SPTSSA: variants seen among roughly 807,000 people sequenced by gnomAD.
SPTSSA encodes the protein serine palmitoyltransferase small subunit A, also known as small subunit of serine palmitoyltransferase A.
In SPTSSA, 8 loss-of-function variants were observed where a neutral mutation model predicts 9.1. That is an observed-to-expected ratio of 0.88 (90% CI 0.51 to 1.58). The LOEUF (loss-of-function observed/expected upper bound fraction) is 1.58, where lower values mean the gene tolerates loss of function less well. Ranked by LOEUF, SPTSSA falls within the 40% of genes most tolerant of loss-of-function variation. The pLI, the probability that SPTSSA is intolerant of heterozygous loss-of-function variation, is 0.00. For missense variants in SPTSSA, 100 were observed against 93.8 expected (o/e 1.07, Z -0.27); for synonymous variants, 42 against 37.7 (o/e 1.11, Z -0.41).
At chr14:34,461,776 T>C (rs919623253) in intron 1 of SPTSSA, among the ~76,000 whole-genome samples, 2 of 152,320 alleles carry the variant, frequency 1.3e-5, no homozygotes, top group Middle Eastern at 3.4e-3. Context: ...CCAAAGGCAG[T>C]TGCGGCCGAA....
chr14:34,439,465 A>G (rs1704415294), intron 1 of SPTSSA, among the ~76,000 whole-genome samples: 1 of 152,090 alleles, frequency 6.6e-6, no homozygotes, highest in Non-Finnish European at 1.5e-5. Context: ...TAGTAAGACA[A>G]TGTCTCTACC....
intron 1 of SPTSSA, among the ~76,000 whole-genome samples, chr14:34,439,812 C>A (rs943778622): frequency 5.9e-5 from 9 of 152,164 alleles, no homozygotes; most frequent in African/African-American, 2.2e-4. Flanking sequence ...GGGGCCAGTT[C>A]CAAAACAAAT....
intron 1 of SPTSSA, among the ~76,000 whole-genome samples, chr14:34,447,125 G>T (rs184484798): frequency 6.6e-6 from 1 of 150,844 alleles, no homozygotes; most frequent in African/African-American, 2.4e-5. Context: ...TCTGGAGGCT[G>T]AGGCAGGAGA....
rs1378843432 is a variant in SPTSSA at position 34,458,230 on chromosome 14, T to C, written c.112+3866A>G. 3.9e-5 allele frequency among the ~76,000 whole-genome samples: 6 copies of C among 152,076 alleles called. No homozygotes were observed. In the South Asian group the frequency reaches 1.2e-3, roughly 31 times the overall value. ...ATTTTTTTTTCTTTTGAACAGGCTGTCACCTAGGCTGGAGTGCAGTGGCGC... is the reference window on the plus strand; with the variant it reads ...ATTTTTTTTTCTTTTGAACAGGCTGCCACCTAGGCTGGAGTGCAGTGGCGC... On this transcript the variant is annotated intron_variant, in intron 1 of 1. Coordinates refer to ENST00000298130, the MANE Select transcript of SPTSSA (RefSeq NM_138288.4).
intron 1 of SPTSSA, among the ~76,000 whole-genome samples, chr14:34,459,146 T>C (rs868178063): frequency 2.0e-5 from 3 of 152,220 alleles, no homozygotes; most frequent in South Asian, 2.1e-4. Context: ...AAGAAATTAA[T>C]CTGGGCCAGG....
intron 1 of SPTSSA, among the ~76,000 whole-genome samples, chr14:34,449,192 T>C (rs1048564382): frequency 7.0e-5 from 10 of 143,552 alleles, no homozygotes; most frequent in African/African-American, 2.6e-4. Flanking sequence ...GACTAAGAGT[T>C]CAAGACCAGC....
chr14:34,462,054 G>T, intron 1 of SPTSSA, 42 bp downstream of exon 1: 1 of 1,256,070 alleles, frequency 8.0e-7, no homozygotes, highest in Non-Finnish European at 1.0e-6. Flanking sequence ...CGCGGCCCGC[G>T]CCCCCAGCCC....
intron 1 of SPTSSA, among the ~76,000 whole-genome samples, chr14:34,446,342 G>T (rs111233376): frequency 0.011 from 1,658 of 152,228 alleles, 32 homozygotes; most frequent in African/African-American, 0.038. Context: ...AAGTTCACAG[G>T]TTAAGACTTT....
intron 1 of SPTSSA, among the ~76,000 whole-genome samples, chr14:34,450,662 A>G (rs1883503815): frequency 6.6e-6 from 1 of 152,228 alleles, no homozygotes; most frequent in Non-Finnish European, 1.5e-5. Flanking sequence ...TTTTGTGTTT[A>G]TAACTTGTCT....
chr14:34,459,458 C>CAA (rs778799046), intron 1 of SPTSSA, among the ~76,000 whole-genome samples: 19,245 of 107,834 alleles, frequency 0.18, 1,502 homozygotes, highest in Middle Eastern at 0.32. Context: ...GACACCGTCT[C>CAA]AAAAAAAAAA....
In SPTSSA at chr14:34,443,196, GGGGTGTGTGTGT is replaced by G. The variant is rs776606140; in HGVS notation, c.113-7904_113-7893del. Among the ~76,000 whole-genome samples, 6 of 16,792 alleles carry G rather than the reference GGGGTGTGTGTGT, an allele frequency of 3.6e-4. 1 individual carries two copies. Among genetic ancestry groups the G allele is most frequent in the Admixed American group, 1.5e-3 (2 of 1,374 alleles). 11.0% of individuals were successfully genotyped at this position (16,792 alleles called of 152,430 possible). Reference sequence around the variant, plus strand: ...GTTTTGAGATTGAGTTTTCCTCTAGGGGGTGTGTGTGTGTGTGTGTGTGTGTGTGTGTGTGTG... The same window carrying G: ...GTTTTGAGATTGAGTTTTCCTCTAGGGTGTGTGTGTGTGTGTGTGTGTGTG... On this transcript the variant is annotated intron_variant, in intron 1 of 1. Transcript: ENST00000298130.
At chr14:34,451,583 C>T (rs1405019831) in intron 1 of SPTSSA, among the ~76,000 whole-genome samples, 2 of 151,836 alleles carry the variant, frequency 1.3e-5, no homozygotes, top group African/African-American at 2.4e-5. Context: ...ATTAGCCGGG[C>T]GCGGTGGCGG....
At chr14:34,453,136 T>G (rs1393707141) in intron 1 of SPTSSA, among the ~76,000 whole-genome samples, 1 of 152,200 alleles carries the variant, frequency 6.6e-6, no homozygotes, top group African/African-American at 2.4e-5. Context: ...CAGTCAAAAG[T>G]AGACTATTAG....
chr14:34,453,880 C>G (rs7148816), intron 1 of SPTSSA, among the ~76,000 whole-genome samples: 3,859 of 142,012 alleles, frequency 0.027, 56 homozygotes, highest in Middle Eastern at 0.062. Flanking sequence ...GGGGTTTGTT[C>G]TTTTAAAAAA....
intron 1 of SPTSSA, among the ~76,000 whole-genome samples, chr14:34,445,796 TTCTAATG>T (rs1883410553): frequency 6.6e-6 from 1 of 152,230 alleles, no homozygotes. Context: ...ATTTCTAAAA[TTCTAATG>T]TCTAAGTATA....
At chr14:34,458,265 T>C (rs1878531113) in intron 1 of SPTSSA, among the ~76,000 whole-genome samples, 1 of 151,964 alleles carries the variant, frequency 6.6e-6, no homozygotes, top group Admixed American at 6.6e-5. Flanking sequence ...CCATCTCAGC[T>C]CACTGCAACC....
intron 1 of SPTSSA, among the ~76,000 whole-genome samples, chr14:34,456,248 G>T (rs113588569): frequency 6.6e-6 from 1 of 151,990 alleles, no homozygotes; most frequent in Non-Finnish European, 1.5e-5. Context: ...CTTGAACCCT[G>T]GAGGCAGAGA....
At chr14:34,449,225 C>T (rs112096243) in intron 1 of SPTSSA, among the ~76,000 whole-genome samples, 1,653 of 151,768 alleles carry the variant, frequency 0.011, 32 homozygotes, top group African/African-American at 0.038. Flanking sequence ...AGTGAAACCC[C>T]GTCTCTACAA....
At chr14:34,459,941 G>C (rs1878584418) in intron 1 of SPTSSA, among the ~76,000 whole-genome samples, 1 of 152,200 alleles carries the variant, frequency 6.6e-6, no homozygotes, top group African/African-American at 2.4e-5. Context: ...GCTGTAGAAA[G>C]TATGCCTCTT....
Sources: gnomAD v4.1 joint callset for allele counts (sites outside exome capture counted in the v4.1 genomes callset) on GRCh38, gnomAD v4.1.1 for gene constraint, MANE v1.5 for transcripts, NCBI Gene and HGNC (gene_info 2026-07-23, HGNC 2026-07-21) for gene names.